SLC67A2: variants seen among roughly 807,000 people sequenced by gnomAD.
SLC67A2 encodes the protein solute carrier family 67 member A2.
At chr2:102,723,131 A>C in the SLC67A2 span, among the ~76,000 whole-genome samples, 1 of 152,234 alleles carries the variant, frequency 6.6e-6, no homozygotes, top group Admixed American at 6.5e-5. Context: ...GAGGGCTAAT[A>C]CAGACATATT....
the SLC67A2 span, among the ~76,000 whole-genome samples, chr2:102,721,093 C>G: frequency 2.0e-5 from 3 of 152,216 alleles, no homozygotes; most frequent in South Asian, 6.2e-4. Context: ...GGAACACTTG[C>G]AGCGGAATGT....
At chr2:102,726,079 AAAAT>A in the SLC67A2 span, among the ~76,000 whole-genome samples, 1 of 152,256 alleles carries the variant, frequency 6.6e-6, no homozygotes, top group Non-Finnish European at 1.5e-5. Flanking sequence ...AAAAATGGAC[AAAAT>A]AAAAGCTAGT....
the SLC67A2 span, chr2:102,723,824 G>A: frequency 1.0e-4 from 161 of 1,614,092 alleles, no homozygotes; most frequent in Non-Finnish European, 1.3e-4. Context: ...CTGTGTTGAA[G>A]TGTCCGATTA....
At chr2:102,732,505 A>G in the SLC67A2 span, 5 of 1,012,406 alleles carry the variant, frequency 4.9e-6, no homozygotes, top group Admixed American at 1.4e-4. Context: ...ACCAATATCT[A>G]AAATTTTAAA....
chr2:102,728,040 A>C, the SLC67A2 span, among the ~76,000 whole-genome samples: 1 of 152,136 alleles, frequency 6.6e-6, no homozygotes, highest in African/African-American at 2.4e-5. Flanking sequence ...TGAACACTCT[A>C]TGCAAGTAAG....
the SLC67A2 span, chr2:102,732,062 TA>T: frequency 3.3e-6 from 2 of 602,768 alleles, no homozygotes; most frequent in African/African-American, 1.8e-5. Flanking sequence ...AGAGGCTCCA[TA>T]AGTACCTGTT....
At chr2:102,736,831 G>C in the SLC67A2 span, 21 of 1,586,342 alleles carry the variant, frequency 1.3e-5, no homozygotes, top group South Asian at 3.4e-5. Flanking sequence ...GCCGGGGGTC[G>C]GACGCAGCAG....
At chr2:102,730,879 T>G in the SLC67A2 span, 1 of 747,968 alleles carries the variant, frequency 1.3e-6, no homozygotes, top group Non-Finnish European at 2.2e-6. Flanking sequence ...GTTTACATTC[T>G]TTTTGTCTGT....
chr2:102,726,816 G>GAAAAAAAA, the SLC67A2 span: 5 of 1,303,062 alleles, frequency 3.8e-6, no homozygotes, highest in South Asian at 5.1e-5. Context: ...AGCTACGTTT[G>GAAAAAAAA]AAAAAAAAAA....
chr2:102,726,074 T>C, the SLC67A2 span, among the ~76,000 whole-genome samples: 2 of 152,042 alleles, frequency 1.3e-5, no homozygotes, highest in African/African-American at 4.8e-5. Context: ...TTCAAAAAAA[T>C]GGACAAAATA....
the SLC67A2 span, chr2:102,736,513 G>C: frequency 9.5e-6 from 15 of 1,579,468 alleles, no homozygotes; most frequent in Non-Finnish European, 1.7e-6. Flanking sequence ...GAGCTTGATA[G>C]GTAGTGAGGC....
At chr2:102,730,839 G>T in the SLC67A2 span, among the ~76,000 whole-genome samples, 4 of 152,168 alleles carry the variant, frequency 2.6e-5, no homozygotes, top group Admixed American at 2.6e-4. Flanking sequence ...GTGAGCCACC[G>T]CGCCCAGCCT....
the SLC67A2 span, among the ~76,000 whole-genome samples, chr2:102,735,990 C>T: frequency 6.6e-6 from 1 of 151,914 alleles, no homozygotes; most frequent in African/African-American, 2.4e-5. Flanking sequence ...GAAAATGCAC[C>T]CAATTCTGTA....
chr2:102,726,943 G>C, the SLC67A2 span: 17 of 1,613,266 alleles, frequency 1.1e-5, no homozygotes, highest in Non-Finnish European at 1.4e-5. Flanking sequence ...CAGCAAGGAA[G>C]ACCGTCTTCC....
the SLC67A2 span, among the ~76,000 whole-genome samples, chr2:102,730,455 A>C: frequency 2.0e-5 from 3 of 152,222 alleles, no homozygotes; most frequent in African/African-American, 2.4e-5. Context: ...TATTTAGTTC[A>C]AAATACACAA....
At chr2:102,729,155 T>G in the SLC67A2 span, among the ~76,000 whole-genome samples, 1 of 152,206 alleles carries the variant, frequency 6.6e-6, no homozygotes, top group Non-Finnish European at 1.5e-5. Flanking sequence ...TTCTGTATCT[T>G]AAGGCTTTCT....
chr2:102,731,999 T>C, the SLC67A2 span: 3 of 447,644 alleles, frequency 6.7e-6, no homozygotes, highest in Non-Finnish European at 1.3e-5. Context: ...AGGGTTCCTG[T>C]AGGCAGGAGT....
the SLC67A2 span, chr2:102,716,974 A>G: frequency 6.6e-6 from 1 of 152,186 alleles, no homozygotes; most frequent in Non-Finnish European, 1.5e-5. Flanking sequence ...GCACATCAAA[A>G]TATTTCCGTT....
chr2:102,723,583 T>C, the SLC67A2 span: 1 of 1,047,342 alleles, frequency 9.5e-7, no homozygotes, highest in Non-Finnish European at 1.4e-6. Flanking sequence ...TGACTTTTGT[T>C]TTTGGACGAT....
Sources: gnomAD v4.1 joint callset for allele counts (sites outside exome capture counted in the v4.1 genomes callset) on GRCh38, gnomAD v4.1.1 for gene constraint, MANE v1.5 for transcripts, NCBI Gene and HGNC (gene_info 2026-07-23, HGNC 2026-07-21) for gene names.